The following NDUFB10 variants were observed in gnomAD, a reference collection of about 807,000 sequenced individuals.
The protein encoded by NDUFB10 is NADH dehydrogenase [ubiquinone] 1 beta subcomplex subunit 10.
Under a neutral mutation model 19.0 loss-of-function variants are expected in NDUFB10, and 23 were observed. The observed-to-expected ratio is 1.21, with a 90% confidence interval of 0.87 to 1.71. The LOEUF (loss-of-function observed/expected upper bound fraction) is 1.71, where lower values mean the gene tolerates loss of function less well. Ranked by LOEUF, NDUFB10 falls within the 40% of genes most tolerant of loss-of-function variation. The pLI is 0.00. For missense variants in NDUFB10, 312 were observed against 230.6 expected, an observed-to-expected ratio of 1.35 and a Z score of -2.29; for synonymous variants, 104 against 81.8, an observed-to-expected ratio of 1.27 and a Z score of -1.46.
rs1339874973 is a variant in NDUFB10 at position 1,959,615 on chromosome 16, C to A, written c.-10C>A. 1.9e-6 allele frequency: 3 copies of A among 1,604,694 alleles called. No individual in the cohort carries two copies. Among genetic ancestry groups the A allele is most frequent in the Non-Finnish European group, 8.5e-7 (1 of 1,175,642 alleles). ...CGCGTCCGGGAGCGGAGTCCGCGCC[C>A]GCCGCCGCCATGCCGGACAGCTGGG... On this transcript the variant is annotated 5_prime_UTR_variant, in exon 1 of 4. Coordinates refer to ENST00000268668, the MANE Select transcript of NDUFB10 (RefSeq NM_004548.3).
At chr16:1,960,752 G>C (rs984106650) in intron 1 of NDUFB10, among the ~76,000 whole-genome samples, 6 of 152,186 alleles carry the variant, frequency 3.9e-5, no homozygotes, top group Admixed American at 2.6e-4. Flanking sequence ...CCGTAAGGTG[G>C]TAAGTTCTGC....
At chr16:1,961,068 C>T (rs1408650674) in intron 1 of NDUFB10, 85 bp from the exon 2 acceptor site, 7 of 1,503,898 alleles carry the variant, frequency 4.7e-6, no homozygotes, top group Non-Finnish European at 1.8e-6. Flanking sequence ...TCCTCTCTCC[C>T]CTCCAAAGGG....
rs944916925 is a variant in NDUFB10, at chr16:1,959,581, C to G, written c.-44C>G. The G allele has an allele frequency of 1.3e-6, 2 of 1,577,148 alleles. No homozygotes were observed. The highest frequency in any genetic ancestry group is 1.8e-5 in the Admixed American group (1 of 54,068). On this transcript the variant is annotated 5_prime_UTR_variant, in exon 1 of 4. Coordinates refer to ENST00000268668, the MANE Select transcript of NDUFB10 (RefSeq NM_004548.3). ...CGCGGGACCCGGACGGAGGTAGAGG[C>G]CAGGGCAGCGCGTCCGGGAGCGGAG... is the stretch of plus-strand genomic sequence containing the variant.
chr16:1,961,037 G>A (rs2083250298), intron 1 of NDUFB10, 116 bp from the exon 2 acceptor site: 9 of 1,296,154 alleles, frequency 6.9e-6, no homozygotes, highest in East Asian at 2.4e-5. Flanking sequence ...TTTTCTAAAC[G>A]CTGGAACACT....
At position 1,961,181 on chromosome 16, in the gene NDUFB10, C is replaced by T; in HGVS notation, c.159C>T (p.Asn53=). Residue 53 remains asparagine (N), a synonymous_variant, in exon 2 of 4, where the codon AAC becomes AAT. Coordinates refer to ENST00000268668, the MANE Select transcript of NDUFB10 (RefSeq NM_004548.3). ...TTATAGAGCGGCAGCACGCAAAGAA[C>T]AGGTATTACTACTACCACCGGCAGT... ...REFIERQHAK[N]RYYYYHRQYR... is the part of the protein sequence containing the mutation. 6.2e-7 allele frequency: 1 copy of T among 1,614,100 alleles called. No homozygotes were observed. The highest frequency in any genetic ancestry group is 8.5e-7 in the Non-Finnish European group (1 of 1,180,016).
At position 1,961,910 on chromosome 16, in the gene NDUFB10, AGCTGTGGGTGCCCCT is replaced by A. The variant is rs2083259589; in HGVS notation, c.*11_*25del. Reference sequence around the variant, plus strand: ...GGCCGCCGCTGCCACCTCCTGAGGCAGCTGTGGGTGCCCCTGCTGTGTGGCTCTGTATGACTGTTG... The same window carrying A: ...GGCCGCCGCTGCCACCTCCTGAGGCAGCTGTGTGGCTCTGTATGACTGTTG... On this transcript the variant is annotated 3_prime_UTR_variant, in exon 4 of 4. Coordinates refer to ENST00000268668, the MANE Select transcript of NDUFB10 (RefSeq NM_004548.3). 6.4e-7 allele frequency: 1 copy of A among 1,556,064 alleles called. No homozygotes were observed. The highest frequency in any genetic ancestry group is 8.7e-7 in the Non-Finnish European group (1 of 1,149,066).
intron 3 of NDUFB10, 50 bp from the exon 4 acceptor site, chr16:1,961,747 T>TG: frequency 2.6e-6 from 4 of 1,538,636 alleles, no homozygotes; most frequent in Non-Finnish European, 3.5e-6. Context: ...TTGCCCCCTT[T>TG]GCATGTAGCA....
intron 1 of NDUFB10, among the ~76,000 whole-genome samples, chr16:1,960,074 G>T (rs2083243209): frequency 6.6e-6 from 1 of 150,916 alleles, no homozygotes; most frequent in South Asian, 2.1e-4. Flanking sequence ...TCCGCCCCCC[G>T]CCGCCCCGGG....
In NDUFB10 at chr16:1,961,884, A is replaced by T; in HGVS notation, c.497A>T (p.Glu166Val). The change falls in exon 4 of 4, where the codon GAG (glutamate) becomes GTG (valine). Residue 166 changes from glutamate (E) to valine (V), a missense_variant. Glu to Val is a moderately radical substitution (Grantham distance 121). Transcript: ENST00000268668. ...CTGCAAGAGAGAAAAGCTGCAAAAG[A>T]GGCCGCCGCTGCCACCTCCTGAGGC... ...RMLQERKAAK[E>V]AAAATS The T allele has an allele frequency of 1.3e-6, 2 of 1,562,814 alleles. No individual in the cohort carries two copies. The highest frequency in any genetic ancestry group is 1.7e-6 in the Non-Finnish European group (2 of 1,153,106).
Position 1,961,912 on chromosome 16 carries a change from C to T in NDUFB10, c.*6C>T, listed in dbSNP as rs757539908. 5 of 1,554,762 alleles carry T rather than the reference C, an allele frequency of 3.2e-6. No homozygotes were observed. Among genetic ancestry groups the T allele is most frequent in the South Asian group, 1.2e-5 (1 of 84,500 alleles). On this transcript the variant is annotated 3_prime_UTR_variant, in exon 4 of 4. Transcript: ENST00000268668. ...CCGCCGCTGCCACCTCCTGAGGCAG[C>T]TGTGGGTGCCCCTGCTGTGTGGCTC...
At chr16:1,961,349 T>G in intron 2 of NDUFB10, 58 bp downstream of exon 2, 1 of 1,607,816 alleles carries the variant, frequency 6.2e-7, no homozygotes, top group South Asian at 1.1e-5. Context: ...GGGACACTAG[T>G]CCCTGGGATG....
Position 1,961,790 on chromosome 16 carries a change from T to C in NDUFB10, c.410-7T>C. On this transcript the variant is annotated splice_region_variant and splice_polypyrimidine_tract_variant and intron_variant, in intron 3 of 3. Coordinates refer to ENST00000268668, the MANE Select transcript of NDUFB10 (RefSeq NM_004548.3). The stretch of plus-strand genomic sequence containing the variant: ...CGGTTCCCAGCTTGTTTCCATTGCT[T>C]CCCCAGATCAGGACCTGGGGGCCTA... 1.3e-6 allele frequency: 2 copies of C among 1,550,900 alleles called. No individual in the cohort carries two copies. The highest frequency in any genetic ancestry group is 1.7e-6 in the Non-Finnish European group (2 of 1,145,888).
Position 1,961,648 on chromosome 16 carries a change from ACCCACC to A in NDUFB10, c.409+17_409+22del, listed in dbSNP as rs2083255883. The A allele has an allele frequency of 1.9e-6, 1 of 537,138 alleles. No individual in the cohort carries two copies. The highest frequency in any genetic ancestry group is 5.7e-4 in the Middle Eastern group (1 of 1,768). 33.3% of individuals were successfully genotyped at this position (537,138 alleles called of 1,614,324 possible). On this transcript the variant is annotated intron_variant, in intron 3 of 3. Transcript: ENST00000268668. ...CTACCAGGACCGCTGTGCGTGCCCC[ACCCACC>A]CCCAACCCCCCACCATCCTCCTGAG...
At chr16:1,961,404 C>T (rs1332941134) in intron 2 of NDUFB10, 93 bp from the exon 3 acceptor site, 1 of 1,593,066 alleles carries the variant, frequency 6.3e-7, no homozygotes. Context: ...ATGGGAGGAG[C>T]CAGACCCCAG....
chr16:1,961,952 T>C lies in NDUFB10; in HGVS notation c.*46T>C. The C allele has an allele frequency of 6.6e-7, 1 of 1,524,964 alleles. No individual in the cohort carries two copies. The highest frequency in any genetic ancestry group is 8.9e-7 in the Non-Finnish European group (1 of 1,123,644). The allele number at this position is 1,524,964 out of a possible 1,614,324, so 94.5% of individuals were successfully genotyped here. On this transcript the variant is annotated 3_prime_UTR_variant, in exon 4 of 4. Coordinates refer to ENST00000268668, the MANE Select transcript of NDUFB10 (RefSeq NM_004548.3). ...CTGTGTGGCTCTGTATGACTGTTGC[T>C]GAAATATAAAGCCCTGCAACCTGCC...
rs1310869600 is a variant in NDUFB10, at chr16:1,961,533, T to G, written c.306T>G (p.Asp102Glu). 6.2e-7 allele frequency: 1 copy of G among 1,614,050 alleles called. No homozygotes were observed. Among genetic ancestry groups the G allele is most frequent in the African/African-American group, 1.3e-5 (1 of 75,014 alleles). ...VDQEIINIMQ[D>E]RLKACQQREG... is the part of the protein sequence containing the mutation. ...AAGAAATTATCAACATTATGCAGGA[T>G]CGGCTCAAAGCCTGTCAGCAGAGGG... Residue 102 changes from aspartate to glutamate, a missense_variant, in exon 3 of 4, where the codon GAT becomes GAG. Transcript: ENST00000268668.
chr16:1,961,439 C>A, intron 2 of NDUFB10, 58 bp from the exon 3 acceptor site: 1 of 1,602,538 alleles, frequency 6.2e-7, no homozygotes, highest in East Asian at 2.2e-5. Flanking sequence ...ATTGTTCTCA[C>A]AGGGTACAGG....
chr16:1,959,615 C>T lies in NDUFB10; in HGVS notation c.-10C>T, dbSNP rs1339874973. On this transcript the variant is annotated 5_prime_UTR_variant, in exon 1 of 4. Transcript: ENST00000268668. ...CGCGTCCGGGAGCGGAGTCCGCGCC[C>T]GCCGCCGCCATGCCGGACAGCTGGG... 3 of 1,604,812 alleles carry T rather than the reference C, an allele frequency of 1.9e-6. No homozygotes were observed. Among genetic ancestry groups the T allele is most frequent in the South Asian group, 2.2e-5 (2 of 90,380 alleles).
rs1442399671 is a variant in NDUFB10, at chr16:1,959,654, C to T, written c.30C>T (p.Tyr10=). The T allele has an allele frequency of 6.2e-7, 1 of 1,612,788 alleles. No individual in the cohort carries two copies. The highest frequency in any genetic ancestry group is 1.7e-5 in the Admixed American group (1 of 59,984). The part of the protein sequence containing the change: MPDSWDKDV[Y]PEPPRRTPVQ... Reference sequence around the variant, plus strand: ...CGGACAGCTGGGACAAGGATGTGTACCCTGAGCCCCCGCGCCGCACGCCGG... The same window carrying T: ...CGGACAGCTGGGACAAGGATGTGTATCCTGAGCCCCCGCGCCGCACGCCGG... The change falls in exon 1 of 4, where the codon TAC becomes TAT. Residue 10 remains tyrosine (Y), a synonymous_variant. Transcript: ENST00000268668.
Sources: gnomAD v4.1 joint callset for allele counts (sites outside exome capture counted in the v4.1 genomes callset) on GRCh38, gnomAD v4.1.1 for gene constraint, MANE v1.5 for transcripts, NCBI Gene and HGNC (gene_info 2026-07-23, HGNC 2026-07-21) for gene names.